The following ALPL variants were observed in gnomAD, a reference collection of about 807,000 sequenced individuals.
The protein encoded by ALPL is alkaline phosphatase, tissue-nonspecific isozyme.
In ALPL, 42 loss-of-function variants were observed where a neutral mutation model predicts 51.3. The observed-to-expected ratio is 0.82, with a 90% CI of 0.64 to 1.06. The LOEUF (loss-of-function observed/expected upper bound fraction) is 1.06, where lower values mean the gene tolerates loss of function less well. Among genes scored for constraint, ALPL ranks in the 50% least tolerant of loss-of-function variants. ALPL has a pLI of 0.00. For missense variants in ALPL, 589 were observed against 709.4 expected, an observed-to-expected ratio of 0.83 and a Z score of 1.93; for synonymous variants, 279 against 296.4, an observed-to-expected ratio of 0.94 and a Z score of 0.60.
chr1:21,574,997 C>G (rs1644707033), intron 9 of ALPL, among the ~76,000 whole-genome samples: 1 of 152,238 alleles, frequency 6.6e-6, no homozygotes. Flanking sequence ...CCCTCGGCTG[C>G]TGGGCCAAGC....
chr1:21,554,339 T>TAC (rs533499560), intron 2 of ALPL, among the ~76,000 whole-genome samples, 197 bp downstream of exon 2: 3 of 149,596 alleles, frequency 2.0e-5, no homozygotes, highest in East Asian at 1.9e-4. Context: ...TATATATATA[T>TAC]ACACACATAC....
At chr1:21,526,189 G>C (rs1380150408) in intron 1 of ALPL, among the ~76,000 whole-genome samples, 1 of 152,026 alleles carries the variant, frequency 6.6e-6, no homozygotes, top group African/African-American at 2.4e-5. Context: ...TCCCAGGCTG[G>C]AGTGCCATAG....
chr1:21,573,842 G>T (rs945211730), intron 9 of ALPL, 43 bp downstream of exon 9: 6 of 1,613,520 alleles, frequency 3.7e-6, no homozygotes, highest in Non-Finnish European at 5.1e-6. Context: ...CTGGAAACAC[G>T]GCCCTGGTGT....
At chr1:21,517,014 T>C (rs977611364) in intron 1 of ALPL, among the ~76,000 whole-genome samples, 1 of 152,232 alleles carries the variant, frequency 6.6e-6, no homozygotes, top group Non-Finnish European at 1.5e-5. Context: ...CATTAGCCTA[T>C]AGTTGGGCAA....
chr1:21,537,566 C>A (rs879590767), intron 1 of ALPL, among the ~76,000 whole-genome samples: 3 of 152,224 alleles, frequency 2.0e-5, no homozygotes, highest in Non-Finnish European at 4.4e-5. Context: ...AGAACCACCC[C>A]CCCCACCGCC....
Position 21,522,366 on chromosome 1 carries a change from A to G in ALPL, c.-105+12849A>G, listed in dbSNP as rs560379655. On this transcript the variant is annotated intron_variant, in intron 1 of 11. Transcript: ENST00000374840. ...TGGGATTACAGGCGTGAGCCACTGCACCCGGCCAGGTTTGTTTAAAATATA... is the reference window on the plus strand; with the variant it reads ...TGGGATTACAGGCGTGAGCCACTGCGCCCGGCCAGGTTTGTTTAAAATATA... Among the ~76,000 whole-genome samples the G allele has an allele frequency of 3.5e-4, 53 of 152,168 alleles. 1 individual carries two copies. Among genetic ancestry groups the G allele is most frequent in the Admixed American group, 8.5e-4 (13 of 15,274 alleles).
At chr1:21,534,054 G>A (rs1384959968) in intron 1 of ALPL, among the ~76,000 whole-genome samples, 1 of 141,966 alleles carries the variant, frequency 7.0e-6, no homozygotes, top group African/African-American at 3.0e-5. Flanking sequence ...GCGCAATCTC[G>A]GATCACTGCA....
At chr1:21,523,207 G>C (rs1238827402) in intron 1 of ALPL, among the ~76,000 whole-genome samples, 1 of 152,200 alleles carries the variant, frequency 6.6e-6, no homozygotes, top group African/African-American at 2.4e-5. Context: ...GATGAGACAG[G>C]AGAATCACTT....
intron 1 of ALPL, among the ~76,000 whole-genome samples, chr1:21,542,464 G>T (rs1378241944): frequency 6.6e-6 from 1 of 152,102 alleles, no homozygotes; most frequent in Admixed American, 6.5e-5. Flanking sequence ...TCCTCTTTAG[G>T]CCTCAGTCTT....
chr1:21,520,975 C>T (rs1643877558), intron 1 of ALPL, among the ~76,000 whole-genome samples: 1 of 152,148 alleles, frequency 6.6e-6, no homozygotes, highest in Admixed American at 6.5e-5. Flanking sequence ...ACCTGCCATC[C>T]CCTCCCCTGC....
At chr1:21,548,985 C>T (rs921766521) in intron 1 of ALPL, among the ~76,000 whole-genome samples, 1 of 152,194 alleles carries the variant, frequency 6.6e-6, no homozygotes, top group Non-Finnish European at 1.5e-5. Context: ...ACCACTGCCA[C>T]GCAGACATTG....
intron 1 of ALPL, among the ~76,000 whole-genome samples, chr1:21,514,366 T>A (rs957680234): frequency 1.3e-5 from 2 of 152,274 alleles, no homozygotes; most frequent in Middle Eastern, 3.4e-3. Flanking sequence ...TGTGCATTGG[T>A]GCGCCACTTC....
intron 4 of ALPL, among the ~76,000 whole-genome samples, chr1:21,561,915 C>T (rs1231466238): frequency 6.6e-6 from 1 of 152,122 alleles, no homozygotes; most frequent in Non-Finnish European, 1.5e-5. Flanking sequence ...GATCTGCCCA[C>T]CTTGGCCTCC....
intron 9 of ALPL, 124 bp downstream of exon 9, chr1:21,573,923 G>A (rs557841343): frequency 3.7e-5 from 57 of 1,528,332 alleles, no homozygotes; most frequent in Non-Finnish European, 4.8e-5. Flanking sequence ...CCCTTTAGGA[G>A]AATAGGTTGT....
At chr1:21,520,466 CT>C (rs35922763) in intron 1 of ALPL, among the ~76,000 whole-genome samples, 2,978 of 111,398 alleles carry the variant, frequency 0.027, 59 homozygotes, top group African/African-American at 0.098. Flanking sequence ...TCTTTTTTCT[CT>C]TTTTTTTTTT....
chr1:21,521,726 C>CA (rs1643885376), intron 1 of ALPL, among the ~76,000 whole-genome samples: 2 of 152,212 alleles, frequency 1.3e-5, no homozygotes, highest in Non-Finnish European at 1.5e-5. Context: ...GTTGGCAGTT[C>CA]AGGCCTTTAG....
chr1:21,555,562 G>A (rs1256339), intron 2 of ALPL, among the ~76,000 whole-genome samples: 1,859 of 152,108 alleles, frequency 0.012, 35 homozygotes, highest in African/African-American at 0.042. Flanking sequence ...GATTACAGGC[G>A]TGCGCCGCAA....
intron 1 of ALPL, among the ~76,000 whole-genome samples, chr1:21,511,177 A>AAAAT (rs1643680292): frequency 6.6e-6 from 1 of 152,240 alleles, no homozygotes; most frequent in African/African-American, 2.4e-5. Context: ...TTTGCATAAC[A>AAAAT]AAATTCTTTC....
intron 1 of ALPL, among the ~76,000 whole-genome samples, chr1:21,517,319 G>A (rs1389222053): frequency 1.3e-5 from 2 of 152,188 alleles, no homozygotes; most frequent in Non-Finnish European, 2.9e-5. Context: ...ACAAGGAAAC[G>A]GAAGCTCAGA....
Sources: allele counts gnomAD v4.1 joint callset (sites outside exome capture counted in the v4.1 genomes callset), GRCh38; gene constraint gnomAD v4.1.1; transcripts MANE v1.5; gene names NCBI Gene and HGNC (gene_info 2026-07-23, HGNC 2026-07-21).